Variants in REV3L observed in about 807,000 individuals in gnomAD.
The protein encoded by REV3L is REV3 like, DNA directed polymerase zeta catalytic subunit.
A neutral mutation model predicts 299.4 loss-of-function variants in REV3L; 69 were observed. The observed-to-expected ratio is 0.23, with a 90% CI of 0.19 to 0.28. The LOEUF is 0.28. Ranked by LOEUF, REV3L falls within the 10% of genes least tolerant of loss-of-function variation. REV3L has a pLI of 1.00. For synonymous variants in REV3L, 1,238 were observed against 1,271.4 expected (o/e 0.97, Z 0.56); for missense variants, 3,128 against 3,693.8 (o/e 0.85, Z 3.97).
chr6:111,348,030 G>A (rs928033966), intron 20 of REV3L, among the ~76,000 whole-genome samples: 3 of 152,128 alleles, frequency 2.0e-5, no homozygotes, highest in African/African-American at 7.2e-5. Flanking sequence ...TCAAACTCCT[G>A]GGCTCAAGTG....
intron 4 of REV3L, among the ~76,000 whole-genome samples, chr6:111,404,379 G>A (rs1582863925): frequency 6.6e-6 from 1 of 152,202 alleles, no homozygotes; most frequent in African/African-American, 2.4e-5. Context: ...TCACCCAACA[G>A]GTCTGATGGA....
intron 9 of REV3L, among the ~76,000 whole-genome samples, chr6:111,383,306 G>A (rs528146522): frequency 6.6e-6 from 1 of 152,272 alleles, no homozygotes; most frequent in African/African-American, 2.4e-5. Flanking sequence ...AATAAATAAA[G>A]TGCATCCAAA....
rs1021497019 is a variant in REV3L, at chr6:111,482,944, AGCGGCGGCGGCTCCCTCCGCAGCG to A, written c.-80_-57del. ...CTGGCGACCCGGCAGCGGCAGCAGC[AGCGGCGGCGGCTCCCTCCGCAGCG>A]GCGGCGGCGCCCCCTCCCCTTCTCG... On this transcript the variant is annotated 5_prime_UTR_variant, in exon 1 of 32. Coordinates refer to ENST00000368802, the MANE Select transcript of REV3L (RefSeq NM_001372078.1). 2.5e-5 allele frequency: 36 copies of A among 1,461,528 alleles called. No homozygotes were observed. The highest frequency in any genetic ancestry group is 1.3e-4 in the African/African-American group (9 of 66,830). 90.5% of individuals were successfully genotyped at this position (1,461,528 alleles called of 1,614,324 possible). A position where few individuals can be genotyped will look rare whatever the true frequency, so the allele number is the denominator to read the frequency against.
intron 28 of REV3L, chr6:111,312,031 C>G (rs997594703): frequency 3.3e-5 from 5 of 152,192 alleles, no homozygotes; most frequent in Non-Finnish European, 7.3e-5. Context: ...GTCTCGATCT[C>G]CTGACCTCAT....
intron 1 of REV3L, among the ~76,000 whole-genome samples, chr6:111,424,364 G>C (rs1471724012): frequency 6.6e-6 from 1 of 152,194 alleles, no homozygotes; most frequent in African/African-American, 2.4e-5. Context: ...AAATTGCTGA[G>C]TAAGGACCTT....
At chr6:111,463,883 A>G (rs922447007) in intron 1 of REV3L, among the ~76,000 whole-genome samples, 4 of 152,118 alleles carry the variant, frequency 2.6e-5, no homozygotes, top group Non-Finnish European at 5.9e-5. Flanking sequence ...GTCCCCTACT[A>G]AAAATTTTCT....
chr6:111,364,483 A>T (rs1445045895), intron 15 of REV3L, among the ~76,000 whole-genome samples: 1 of 151,678 alleles, frequency 6.6e-6, no homozygotes, highest in Non-Finnish European at 1.5e-5. Context: ...TTACAAAATT[A>T]TTTTTTCTGA....
intron 12 of REV3L, among the ~76,000 whole-genome samples, chr6:111,377,344 TA>T (rs917695334): frequency 3.3e-5 from 5 of 152,108 alleles, no homozygotes; most frequent in Admixed American, 1.3e-4. Flanking sequence ...ATTTATTTAT[TA>T]TTTTTTTTGG....
intron 1 of REV3L, among the ~76,000 whole-genome samples, chr6:111,482,117 C>T (rs1793767375): frequency 6.6e-6 from 1 of 152,178 alleles, no homozygotes; most frequent in South Asian, 2.1e-4. Context: ...TGTCCCCCGA[C>T]GCTCAGGCAC....
intron 16 of REV3L, among the ~76,000 whole-genome samples, chr6:111,363,138 T>C (rs1238368879): frequency 1.3e-5 from 2 of 152,234 alleles, no homozygotes. Context: ...GCTGTGAAGA[T>C]AGCTGGATTA....
intron 1 of REV3L, among the ~76,000 whole-genome samples, chr6:111,421,014 G>C (rs1175367663): frequency 1.3e-5 from 2 of 152,138 alleles, no homozygotes; most frequent in African/African-American, 4.8e-5. Flanking sequence ...TGTAGTCCCA[G>C]ACACTCGGGA....
intron 11 of REV3L, among the ~76,000 whole-genome samples, chr6:111,378,709 TC>T (rs1780546008): frequency 6.6e-6 from 1 of 152,176 alleles, no homozygotes; most frequent in Non-Finnish European, 1.5e-5. Context: ...TCTTTCAACT[TC>T]CATACATGAT....
chr6:111,389,578 G>C (rs964125299), intron 6 of REV3L, among the ~76,000 whole-genome samples: 2 of 151,980 alleles, frequency 1.3e-5, no homozygotes, highest in East Asian at 1.9e-4. Context: ...TTCAAATATA[G>C]TCATTTGGAC....
intron 1 of REV3L, among the ~76,000 whole-genome samples, chr6:111,459,426 A>T (rs2128324050): frequency 1.3e-5 from 2 of 152,110 alleles, no homozygotes; most frequent in African/African-American, 4.8e-5. Context: ...CCAAAAACTG[A>T]CAAGTAGGAC....
chr6:111,483,135 T>C lies in REV3L; in HGVS notation c.-247A>G. The C allele has an allele frequency of 2.0e-6, 1 of 488,564 alleles. No individual in the cohort carries two copies. The highest frequency in any genetic ancestry group is 3.5e-6 in the Non-Finnish European group (1 of 282,464). 30.3% of individuals were successfully genotyped at this position (488,564 alleles called of 1,614,324 possible). A position where few individuals can be genotyped will look rare whatever the true frequency, so the allele number is the denominator to read the frequency against. On this transcript the variant is annotated 5_prime_UTR_variant, in exon 1 of 32. Coordinates refer to ENST00000368802, the MANE Select transcript of REV3L (RefSeq NM_001372078.1). ...CTCGAGCTTTCGTCGGTGCTGGTGC[T>C]GCCGCCACTGCCGCCACCGCCGGGA...
intron 19 of REV3L, 115 bp downstream of exon 19, chr6:111,351,561 A>G (rs1036103415): frequency 1.6e-6 from 1 of 615,320 alleles, no homozygotes; most frequent in African/African-American, 1.9e-5. Context: ...TAAAACTTAC[A>G]CAACTTAGTA....
At chr6:111,363,562 C>T (rs1455559156) in intron 16 of REV3L, among the ~76,000 whole-genome samples, 1 of 151,966 alleles carries the variant, frequency 6.6e-6, no homozygotes, top group Non-Finnish European at 1.5e-5. Context: ...ATCCCACCTC[C>T]ACCTCCCAAA....
In REV3L at chr6:111,441,511, A is replaced by G. The variant is rs1429998112; in HGVS notation, c.140-25039T>C. Among the ~76,000 whole-genome samples the G allele has an allele frequency of 2.0e-5, 3 of 152,244 alleles. No individual in the cohort carries two copies. The South Asian group carries it at 6.2e-4, about 32-fold the overall frequency. On this transcript the variant is annotated intron_variant, in intron 1 of 31. Coordinates refer to ENST00000368802, the MANE Select transcript of REV3L (RefSeq NM_001372078.1). ...AAGTGATTCTCCCACCTCGCTTCCC[A>G]AAGTGCTGAGATTACAGGTGCGAGC... is the stretch of plus-strand genomic sequence containing the variant.
chr6:111,338,311 C>CTTTTTTTTTTTTTTTTTTTT (rs1776115188), intron 21 of REV3L, among the ~76,000 whole-genome samples: 1 of 49,034 alleles, frequency 2.0e-5, no homozygotes, highest in Admixed American at 2.3e-4. Context: ...AGTCTAAAGT[C>CTTTTTTTTTTTTTTTTTTTT]CTTTTTTTTT....
Sources: gnomAD v4.1 joint callset for allele counts (sites outside exome capture counted in the v4.1 genomes callset) on GRCh38, gnomAD v4.1.1 for gene constraint, MANE v1.5 for transcripts, NCBI Gene and HGNC (gene_info 2026-07-23, HGNC 2026-07-21) for gene names.